IMPG1: variants seen among roughly 807,000 people sequenced by gnomAD.
The protein encoded by IMPG1 is interphotoreceptor matrix proteoglycan 1.
In IMPG1, 85 loss-of-function variants were observed where a neutral mutation model predicts 92.0. The ratio of observed to expected loss-of-function variants is 0.92; its 90% CI spans 0.78 to 1.11. The LOEUF (loss-of-function observed/expected upper bound fraction) is 1.11, where lower values mean the gene tolerates loss of function less well. Among genes scored for constraint, IMPG1 ranks in the 50% least tolerant of loss-of-function variants. The pLI, the probability that IMPG1 is intolerant of heterozygous loss-of-function variation, is 0.00. For missense variants in IMPG1, 1,022 were observed against 956.0 expected (o/e 1.07, Z -0.91); for synonymous variants, 367 against 334.1 (o/e 1.10, Z -1.08).
At chr6:75,968,658 A>T (rs1477701496) in intron 12 of IMPG1, among the ~76,000 whole-genome samples, 1 of 151,936 alleles carries the variant, frequency 6.6e-6, no homozygotes, top group Admixed American at 6.6e-5. Context: ...AAGGCTTATT[A>T]TTTAGCCTCT....
intron 12 of IMPG1, among the ~76,000 whole-genome samples, chr6:75,964,479 C>G (rs151303486): frequency 6.6e-6 from 1 of 151,902 alleles, no homozygotes; most frequent in Non-Finnish European, 1.5e-5. Context: ...GAGTTCAAGA[C>G]CAGACTGGCT....
At chr6:75,924,903 T>C in intron 15 of IMPG1, among the ~76,000 whole-genome samples, 1 of 148,020 alleles carries the variant, frequency 6.8e-6, no homozygotes, top group Non-Finnish European at 1.5e-5. Flanking sequence ...AAGCTCTCAC[T>C]CGTGGAATTT....
intron 14 of IMPG1, among the ~76,000 whole-genome samples, chr6:75,931,474 T>C (rs1781668609): frequency 6.6e-6 from 1 of 152,210 alleles, no homozygotes. Context: ...GAATGGGGAC[T>C]GAGTTCTGGC....
At chr6:76,043,141 G>A (rs1582125923) in intron 1 of IMPG1, among the ~76,000 whole-genome samples, 1 of 151,936 alleles carries the variant, frequency 6.6e-6, no homozygotes, top group South Asian at 2.1e-4. Flanking sequence ...AGTGTTAACA[G>A]TGTAGTCAGA....
At chr6:76,031,858 C>T (rs540605164) in intron 4 of IMPG1, among the ~76,000 whole-genome samples, 28 of 152,264 alleles carry the variant, frequency 1.8e-4, no homozygotes, top group African/African-American at 5.1e-4. Flanking sequence ...TGTGGGATGA[C>T]GTTTTCTTGT....
chr6:75,970,694 A>T (rs1446176799), intron 12 of IMPG1, among the ~76,000 whole-genome samples: 1 of 152,160 alleles, frequency 6.6e-6, no homozygotes, highest in Non-Finnish European at 1.5e-5. Flanking sequence ...GGGACAAATG[A>T]AGTAATTGTA....
chr6:76,070,405 G>T (rs1313316271), intron 1 of IMPG1, among the ~76,000 whole-genome samples: 1 of 152,072 alleles, frequency 6.6e-6, no homozygotes, highest in Non-Finnish European at 1.5e-5. Flanking sequence ...AAAACAATAT[G>T]GAGATTTACC....
At chr6:76,033,093 T>A (rs1783678783) in intron 4 of IMPG1, among the ~76,000 whole-genome samples, 2 of 151,880 alleles carry the variant, frequency 1.3e-5, no homozygotes, top group South Asian at 4.1e-4. Context: ...AACAGTGGGG[T>A]GCTAAAAATA....
chr6:76,049,450 C>T (rs1483147711), intron 1 of IMPG1, among the ~76,000 whole-genome samples: 2 of 152,090 alleles, frequency 1.3e-5, no homozygotes, highest in African/African-American at 4.8e-5. Context: ...CAATACCTGC[C>T]CCCTACCTTT....
intron 4 of IMPG1, among the ~76,000 whole-genome samples, chr6:76,033,512 G>A (rs1783686441): frequency 6.6e-6 from 1 of 152,222 alleles, no homozygotes; most frequent in Non-Finnish European, 1.5e-5. Flanking sequence ...GCAAGTTGAG[G>A]AGAAGAGGTT....
At chr6:75,948,060 C>G (rs961542785) in intron 13 of IMPG1, among the ~76,000 whole-genome samples, 1 of 152,206 alleles carries the variant, frequency 6.6e-6, no homozygotes, top group African/African-American at 2.4e-5. Context: ...GTAGTGGAAA[C>G]AGCAGGAAAC....
At chr6:76,040,417 G>A (rs2149489819) in intron 2 of IMPG1, among the ~76,000 whole-genome samples, 1 of 152,150 alleles carries the variant, frequency 6.6e-6, no homozygotes, top group East Asian at 1.9e-4. Context: ...GTCCATCCCT[G>A]AGCAAACGAT....
intron 1 of IMPG1, among the ~76,000 whole-genome samples, chr6:76,047,752 G>T (rs907914402): frequency 1.3e-5 from 2 of 152,096 alleles, no homozygotes; most frequent in Non-Finnish European, 2.9e-5. Context: ...AATTAGATTT[G>T]TTTTAAAAAC....
At chr6:76,028,072 GCTAAT>G (rs1485914478) in intron 4 of IMPG1, among the ~76,000 whole-genome samples, 1 of 152,128 alleles carries the variant, frequency 6.6e-6, no homozygotes, top group Non-Finnish European at 1.5e-5. Flanking sequence ...GGTAAATAAT[GCTAAT>G]CTATGTTCCA....
rs145538984 is a variant in IMPG1 at position 75,982,541 on chromosome 6, A to ATATCTATCTATCTATCTATCTATC, written c.1291+20376_1291+20377insGATAGATAGATAGATAGATAGATA. Among the ~76,000 whole-genome samples the ATATCTATCTATCTATCTATCTATC allele has an allele frequency of 1.4e-3, 201 of 146,690 alleles. 1 individual carries two copies. The highest frequency in any genetic ancestry group is 4.6e-3 in the African/African-American group (184 of 39,618). On this transcript the variant is annotated intron_variant, in intron 12 of 16. Coordinates refer to ENST00000369950, the MANE Select transcript of IMPG1 (RefSeq NM_001563.4). Reference sequence around the variant, plus strand: ...ACTCTATCTTAAAAAAAAAATGTGTATATCTATCTATCTATCTATCTATAT... The same window carrying ATATCTATCTATCTATCTATCTATC: ...ACTCTATCTTAAAAAAAAAATGTGTATATCTATCTATCTATCTATCTATCTATCTATCTATCTATCTATCTATAT...
At chr6:76,071,418 T>A (rs996405894) in intron 1 of IMPG1, among the ~76,000 whole-genome samples, 4 of 151,030 alleles carry the variant, frequency 2.6e-5, no homozygotes, top group African/African-American at 9.7e-5. Flanking sequence ...TATTTATATA[T>A]AATTGATAAT....
intron 1 of IMPG1, among the ~76,000 whole-genome samples, chr6:76,068,737 G>C (rs1784353861): frequency 6.6e-6 from 1 of 151,692 alleles, no homozygotes; most frequent in South Asian, 2.1e-4. Context: ...GGCTGGTCTT[G>C]AACTTCTGAC....
chr6:75,933,242 A>T (rs1409099655), intron 14 of IMPG1, among the ~76,000 whole-genome samples: 1 of 152,214 alleles, frequency 6.6e-6, no homozygotes, highest in Non-Finnish European at 1.5e-5. Context: ...TCAAGTCATG[A>T]TCAAATTGTG....
chr6:76,069,849 A>C (rs1784377548), intron 1 of IMPG1, among the ~76,000 whole-genome samples: 1 of 152,216 alleles, frequency 6.6e-6, no homozygotes. Context: ...ATAAAGCTGG[A>C]GACCGCTATC....
Sources: gnomAD v4.1 joint callset for allele counts (sites outside exome capture counted in the v4.1 genomes callset) on GRCh38, gnomAD v4.1.1 for gene constraint, MANE v1.5 for transcripts, NCBI Gene and HGNC (gene_info 2026-07-23, HGNC 2026-07-21) for gene names.